The following CACNA2D1 variants were observed in gnomAD, a reference collection of about 807,000 sequenced individuals.
The protein encoded by CACNA2D1 is calcium voltage-gated channel auxiliary subunit alpha2delta 1, also known as voltage-dependent calcium channel subunit alpha-2/delta-1.
In CACNA2D1, 53 loss-of-function variants were observed where a neutral mutation model predicts 171.5. That is an observed-to-expected ratio of 0.31 (90% CI 0.25 to 0.39). The LOEUF is 0.39. Ranked by LOEUF, CACNA2D1 falls within the 10% of genes least tolerant of loss-of-function variation. CACNA2D1 has a pLI of 1.00. For synonymous variants in CACNA2D1, 442 were observed against 443.1 expected, an observed-to-expected ratio of 1.00 and a Z score of 0.03; for missense variants, 903 against 1,299.8, an observed-to-expected ratio of 0.69 and a Z score of 4.69.
intron 7 of CACNA2D1, among the ~76,000 whole-genome samples, chr7:82,081,955 A>T (rs781417668): frequency 6.6e-6 from 1 of 152,346 alleles, no homozygotes; most frequent in South Asian, 2.1e-4. Flanking sequence ...CAGGCATGTC[A>T]TAAGTGACTC....
chr7:82,042,577 T>C (rs1443779273), intron 10 of CACNA2D1, among the ~76,000 whole-genome samples: 1 of 152,166 alleles, frequency 6.6e-6, no homozygotes, highest in Non-Finnish European at 1.5e-5. Flanking sequence ...TTAGAACTGC[T>C]GAGGACAATT....
intron 5 of CACNA2D1, among the ~76,000 whole-genome samples, chr7:82,121,681 C>A (rs1294439265): frequency 2.6e-5 from 4 of 152,008 alleles, no homozygotes. Flanking sequence ...AGGACTTACA[C>A]ATAATATTTG....
At chr7:82,434,884 A>T (rs1302838973) in intron 1 of CACNA2D1, among the ~76,000 whole-genome samples, 2 of 152,084 alleles carry the variant, frequency 1.3e-5, no homozygotes, top group African/African-American at 4.8e-5. Context: ...CCACAAAATG[A>T]AACTGTAAAT....
intron 36 of CACNA2D1, among the ~76,000 whole-genome samples, chr7:81,960,711 C>T (rs1037383049): frequency 4.9e-5 from 7 of 142,648 alleles, no homozygotes; most frequent in African/African-American, 1.8e-4. Context: ...CTTCACTTTA[C>T]AATTTAACTT....
chr7:82,042,828 G>A (rs961582792), intron 10 of CACNA2D1, among the ~76,000 whole-genome samples: 2 of 152,128 alleles, frequency 1.3e-5, no homozygotes, highest in East Asian at 3.9e-4. Flanking sequence ...TCCCTGACTA[G>A]ATTAAGTCAC....
chr7:82,086,516 G>A (rs1164292659), intron 6 of CACNA2D1, among the ~76,000 whole-genome samples: 2 of 152,082 alleles, frequency 1.3e-5, no homozygotes, highest in Non-Finnish European at 2.9e-5. Context: ...ACACTAAGCA[G>A]CCAGTTATAT....
intron 3 of CACNA2D1, among the ~76,000 whole-genome samples, chr7:82,326,414 C>T (rs1231923446): frequency 6.6e-6 from 1 of 152,132 alleles, no homozygotes; most frequent in Admixed American, 6.5e-5. Flanking sequence ...GAATTCTTTG[C>T]CAGCTGTGTA....
intron 15 of CACNA2D1, among the ~76,000 whole-genome samples, chr7:82,011,798 C>T (rs1799806473): frequency 6.6e-6 from 1 of 152,078 alleles, no homozygotes; most frequent in Non-Finnish European, 1.5e-5. Flanking sequence ...AATTATTGTT[C>T]TAACTCTGCA....
chr7:81,946,719 A>G lies in CACNA2D1; in HGVS notation c.*3673T>C, dbSNP rs1792078283. The G allele has an allele frequency of 1.3e-5, 2 of 152,070 alleles. No individual in the cohort carries two copies. The highest frequency in any genetic ancestry group is 6.6e-5 in the Admixed American group (1 of 15,234). 9.4% of individuals were successfully genotyped at this position (152,070 alleles called of 1,614,324 possible). A position where few individuals can be genotyped will look rare whatever the true frequency, so the allele number is the denominator to read the frequency against. On this transcript the variant is annotated 3_prime_UTR_variant, in exon 39 of 39. Transcript: ENST00000356860. Reference sequence around the variant, plus strand: ...CATGATCCGACACTCATACAACACAACAAAAAAGACAGCTTTACTAGGTCA... The same window carrying G: ...CATGATCCGACACTCATACAACACAGCAAAAAAGACAGCTTTACTAGGTCA...
chr7:82,268,674 T>C (rs1467360060), intron 3 of CACNA2D1, among the ~76,000 whole-genome samples: 8 of 151,172 alleles, frequency 5.3e-5, no homozygotes, highest in African/African-American at 9.8e-5. Context: ...AAAAGCTATA[T>C]TGGGCTCTAG....
At chr7:82,363,881 C>A (rs1171729955) in intron 1 of CACNA2D1, among the ~76,000 whole-genome samples, 1 of 152,038 alleles carries the variant, frequency 6.6e-6, no homozygotes, top group Non-Finnish European at 1.5e-5. Context: ...TAGCCAGTGT[C>A]CAAGGACAAA....
At chr7:82,033,982 A>C (rs1289312783) in intron 11 of CACNA2D1, among the ~76,000 whole-genome samples, 1 of 152,104 alleles carries the variant, frequency 6.6e-6, no homozygotes, top group Non-Finnish European at 1.5e-5. Context: ...AAATTTTCTA[A>C]TAACTACTTT....
intron 3 of CACNA2D1, among the ~76,000 whole-genome samples, chr7:82,333,031 G>C (rs1817567335): frequency 6.6e-6 from 1 of 152,040 alleles, no homozygotes; most frequent in Admixed American, 6.6e-5. Flanking sequence ...GAGCTAAACT[G>C]AAGCTCCAGC....
chr7:82,106,630 T>C (rs764281464), intron 6 of CACNA2D1, among the ~76,000 whole-genome samples: 4 of 152,102 alleles, frequency 2.6e-5, no homozygotes, highest in Non-Finnish European at 4.4e-5. Flanking sequence ...TCTTATTCCA[T>C]AATAGACTAA....
At chr7:82,258,112 A>T (rs536172038) in intron 3 of CACNA2D1, among the ~76,000 whole-genome samples, 2 of 152,268 alleles carry the variant, frequency 1.3e-5, no homozygotes, top group East Asian at 1.9e-4. Flanking sequence ...CTACAGGTGG[A>T]TACAGATAAA....
chr7:82,309,404 C>G (rs1180963725), intron 3 of CACNA2D1, among the ~76,000 whole-genome samples: 2 of 150,130 alleles, frequency 1.3e-5, no homozygotes, highest in Non-Finnish European at 3.0e-5. Context: ...GAAACTATGT[C>G]TCAAAAAAAA....
At chr7:82,267,031 T>C (rs1333091347) in intron 3 of CACNA2D1, among the ~76,000 whole-genome samples, 2 of 152,198 alleles carry the variant, frequency 1.3e-5, no homozygotes, top group African/African-American at 4.8e-5. Context: ...TAATCTATCT[T>C]AAAATTATAT....
At chr7:82,381,421 T>C (rs1368157175) in intron 1 of CACNA2D1, among the ~76,000 whole-genome samples, 2 of 152,232 alleles carry the variant, frequency 1.3e-5, no homozygotes, top group East Asian at 1.9e-4. Context: ...ACCTTTATCA[T>C]TAGCTTGGTG....
chr7:82,242,555 T>C (rs1804427619), intron 3 of CACNA2D1, among the ~76,000 whole-genome samples: 1 of 152,192 alleles, frequency 6.6e-6, no homozygotes, highest in Non-Finnish European at 1.5e-5. Flanking sequence ...CATTTTCAAA[T>C]ACAGTCAACT....
Sources: allele counts gnomAD v4.1 joint callset (sites outside exome capture counted in the v4.1 genomes callset), GRCh38; gene constraint gnomAD v4.1.1; transcripts MANE v1.5; gene names NCBI Gene and HGNC (gene_info 2026-07-23, HGNC 2026-07-21).